LINGO2: variants seen among roughly 807,000 people sequenced by gnomAD.
The protein encoded by LINGO2 is leucine-rich repeat and immunoglobulin-like domain-containing nogo receptor-interacting protein 2.
LINGO2 carries 14 observed loss-of-function variants against 30.6 expected under a neutral mutation model. That is an observed-to-expected ratio of 0.46 (90% CI 0.30 to 0.72). LINGO2 has a LOEUF of 0.72. Ranked by LOEUF, LINGO2 falls within the 30% of genes least tolerant of loss-of-function variation. The probability of loss-of-function intolerance (pLI) is 0.07; values close to 1 mark genes in which losing one functional copy is unlikely to be tolerated. For missense variants in LINGO2, 729 were observed against 751.7 expected (o/e 0.97, Z 0.35); for synonymous variants, 317 against 288.5 (o/e 1.10, Z -1.00).
chr9:28,608,917 A>C (rs1382268103), intron 1 of LINGO2, among the ~76,000 whole-genome samples: 1 of 151,998 alleles, frequency 6.6e-6, no homozygotes, highest in African/African-American at 2.4e-5. Context: ...TCTTTTAAAA[A>C]GTGGGAGATA....
At chr9:29,038,673 G>GT in the LINGO2 span, among the ~76,000 whole-genome samples, 1 of 126,084 alleles carries the variant, frequency 7.9e-6, no homozygotes, top group Non-Finnish European at 1.6e-5. Context: ...TCACTACTCA[G>GT]AAAAAAAAAA....
At chr9:28,219,601 T>G (rs192636578) in intron 4 of LINGO2, among the ~76,000 whole-genome samples, 1 of 152,242 alleles carries the variant, frequency 6.6e-6, no homozygotes, top group Non-Finnish European at 1.5e-5. Context: ...GGTTCTGTTT[T>G]GGCAAATCAG....
intron 1 of LINGO2, among the ~76,000 whole-genome samples, chr9:28,492,204 T>C (rs535598852): frequency 2.6e-5 from 4 of 152,340 alleles, no homozygotes; most frequent in Admixed American, 1.3e-4. Flanking sequence ...CGGTGTTGTG[T>C]ATCTTGCATG....
At chr9:28,186,213 T>G (rs1319954488) in intron 4 of LINGO2, among the ~76,000 whole-genome samples, 3 of 152,188 alleles carry the variant, frequency 2.0e-5, no homozygotes, top group African/African-American at 7.2e-5. Flanking sequence ...AGAGGGAGAC[T>G]CCTACACAAA....
chr9:28,429,800 A>C (rs1450240108), intron 2 of LINGO2, among the ~76,000 whole-genome samples: 1 of 152,202 alleles, frequency 6.6e-6, no homozygotes, highest in Non-Finnish European at 1.5e-5. Flanking sequence ...GTGTTCCAAC[A>C]GACTTTGAAT....
the LINGO2 span, among the ~76,000 whole-genome samples, chr9:29,160,929 T>A: frequency 1.3e-5 from 2 of 152,208 alleles, no homozygotes; most frequent in African/African-American, 4.8e-5. Context: ...GCCACTATTG[T>A]CTGCAGAAGG....
At chr9:28,742,023 G>A in the LINGO2 span, among the ~76,000 whole-genome samples, 36 of 152,054 alleles carry the variant, frequency 2.4e-4, no homozygotes, top group Middle Eastern at 0.01. Context: ...AGGACTGTGG[G>A]ATCCCACCTG....
chr9:28,444,653 C>T (rs1307458564), intron 2 of LINGO2, among the ~76,000 whole-genome samples: 3 of 152,208 alleles, frequency 2.0e-5, no homozygotes, highest in Non-Finnish European at 4.4e-5. Flanking sequence ...ACCATATTCC[C>T]CTCATCCAGA....
At chr9:28,001,607 T>C (rs1044686319) in intron 5 of LINGO2, among the ~76,000 whole-genome samples, 1 of 152,154 alleles carries the variant, frequency 6.6e-6, no homozygotes. Flanking sequence ...TCCTATATTG[T>C]TGCAAGTCTT....
At chr9:28,536,820 A>G (rs1224582647) in intron 1 of LINGO2, among the ~76,000 whole-genome samples, 1 of 152,050 alleles carries the variant, frequency 6.6e-6, no homozygotes, top group Non-Finnish European at 1.5e-5. Flanking sequence ...CTCAGACTCT[A>G]AACTCAAGGC....
At chr9:28,500,789 C>G (rs751937861) in intron 1 of LINGO2, among the ~76,000 whole-genome samples, 17 of 151,984 alleles carry the variant, frequency 1.1e-4, no homozygotes, top group Non-Finnish European at 2.4e-4. Flanking sequence ...GAGGTGATCT[C>G]TGAGTACTGA....
At chr9:29,095,263 A>C in the LINGO2 span, among the ~76,000 whole-genome samples, 1 of 138,970 alleles carries the variant, frequency 7.2e-6, no homozygotes. Flanking sequence ...ACAGGAGAAT[A>C]ATCAAAGATA....
At chr9:28,902,990 C>T in the LINGO2 span, among the ~76,000 whole-genome samples, 3 of 147,472 alleles carry the variant, frequency 2.0e-5, no homozygotes, top group Non-Finnish European at 4.5e-5. Flanking sequence ...ACAAACTAAA[C>T]CTAAAGTTAG....
chr9:28,873,379 CA>C, the LINGO2 span, among the ~76,000 whole-genome samples: 11 of 93,398 alleles, frequency 1.2e-4, no homozygotes, highest in Non-Finnish European at 1.5e-4. Context: ...GACTCAGTCT[CA>C]AAAAAAAAAA....
chr9:27,948,685 C>A, exon 6 of LINGO2: 1 of 768,800 alleles, frequency 1.3e-6, no homozygotes. Flanking sequence ...GCCTGCCTGC[C>A]TTTCGATGGA....
At chr9:28,078,009 G>T in intron 4 of LINGO2, among the ~76,000 whole-genome samples, 1 of 149,338 alleles carries the variant, frequency 6.7e-6, no homozygotes, top group East Asian at 1.9e-4. Context: ...TGGTTAAGTG[G>T]TGGTTTAACA....
At chr9:28,664,300 G>C (rs1828705131) in intron 1 of LINGO2, among the ~76,000 whole-genome samples, 1 of 152,066 alleles carries the variant, frequency 6.6e-6, no homozygotes, top group African/African-American at 2.4e-5. Context: ...GGAGCTATCT[G>C]CAAGGAACAA....
chr9:28,978,159 A>G, the LINGO2 span, among the ~76,000 whole-genome samples: 1 of 152,138 alleles, frequency 6.6e-6, no homozygotes, highest in Non-Finnish European at 1.5e-5. Context: ...GGGAATTGGA[A>G]ATATATAAAA....
At chr9:28,956,088 T>C in the LINGO2 span, among the ~76,000 whole-genome samples, 1 of 152,132 alleles carries the variant, frequency 6.6e-6, no homozygotes, top group Non-Finnish European at 1.5e-5. Context: ...TTACAGTGTG[T>C]TCCTATTAGT....
Sources: gnomAD v4.1 joint callset for allele counts (sites outside exome capture counted in the v4.1 genomes callset) on GRCh38, gnomAD v4.1.1 for gene constraint, MANE v1.5 for transcripts, NCBI Gene and HGNC (gene_info 2026-07-23, HGNC 2026-07-21) for gene names.